Variants in SV2C observed in about 807,000 individuals in gnomAD.
SV2C encodes the protein solute carrier family 22 member B3.
Under a neutral mutation model 79.7 loss-of-function variants are expected in SV2C, and 49 were observed. That is an observed-to-expected ratio of 0.61 (90% CI 0.49 to 0.78). SV2C has a LOEUF of 0.78. Among genes scored for constraint, SV2C ranks in the 30% least tolerant of loss-of-function variants. SV2C has a pLI of 0.00. For missense variants in SV2C, 833 were observed against 912.9 expected (o/e 0.91, Z 1.13); for synonymous variants, 334 against 333.2 (o/e 1.00, Z -0.03).
the SV2C span, among the ~76,000 whole-genome samples, chr5:75,984,119 A>G: frequency 6.6e-6 from 1 of 152,110 alleles, no homozygotes; most frequent in South Asian, 2.1e-4. Context: ...CCACCCATAT[A>G]GAACTAAATA....
At chr5:75,977,614 G>C in the SV2C span, among the ~76,000 whole-genome samples, 2 of 152,158 alleles carry the variant, frequency 1.3e-5, no homozygotes, top group Non-Finnish European at 2.9e-5. Flanking sequence ...TTTCAAAGAA[G>C]AGCCTTCTCC....
chr5:76,106,286 C>T (rs1747909905), intron 1 of SV2C, among the ~76,000 whole-genome samples: 1 of 152,134 alleles, frequency 6.6e-6, no homozygotes, highest in African/African-American at 2.4e-5. Flanking sequence ...CCACTGCTGT[C>T]TACTATCCCG....
the SV2C span, among the ~76,000 whole-genome samples, chr5:75,933,461 A>G: frequency 6.6e-6 from 1 of 152,184 alleles, no homozygotes; most frequent in African/African-American, 2.4e-5. Context: ...GACTGAATGA[A>G]TGAAAGGACT....
intron 4 of SV2C, among the ~76,000 whole-genome samples, chr5:76,284,589 G>A (rs1033567590): frequency 6.6e-6 from 1 of 152,230 alleles, no homozygotes; most frequent in Non-Finnish European, 1.5e-5. Context: ...CCTGACAAGA[G>A]CTGTGGCTGC....
At chr5:76,305,998 G>C (rs189902010) in intron 12 of SV2C, among the ~76,000 whole-genome samples, 1 of 152,258 alleles carries the variant, frequency 6.6e-6, no homozygotes, top group Admixed American at 6.5e-5. Context: ...TCAGCCAAGA[G>C]TCATCTCATT....
the SV2C span, among the ~76,000 whole-genome samples, chr5:76,030,269 T>G: frequency 4.0e-4 from 39 of 97,940 alleles, 1 homozygote; most frequent in African/African-American, 1.9e-3. Context: ...GAGGCTTGTT[T>G]TTTTTTTTTT....
In SV2C at chr5:76,301,412, A is replaced by C; in HGVS notation, c.1867A>C (p.Ser623Arg). Residue 623 changes from serine (S) to arginine (R), a missense_variant, in exon 12 of 13, where the codon AGC (serine) becomes CGC (arginine). Ser to Arg is a moderately radical substitution (Grantham distance 110). Transcript: ENST00000502798. Reference sequence around the variant, plus strand: ...TGGCTCTATGGTGCTTTCGGGGATCAGCTGTTTCTTCCTTTGGTTCGGCAC... The same window carrying C: ...TGGCTCTATGGTGCTTTCGGGGATCCGCTGTTTCTTCCTTTGGTTCGGCAC... ...LGGSMVLSGI[S>R]CFFLWFGTSE... 1 of 1,614,062 alleles carries C rather than the reference A, an allele frequency of 6.2e-7. No homozygotes were observed. Among genetic ancestry groups the C allele is most frequent in the East Asian group, 2.2e-5 (1 of 44,876 alleles).
At chr5:76,260,015 T>C (rs529165363) in intron 4 of SV2C, among the ~76,000 whole-genome samples, 6 of 152,314 alleles carry the variant, frequency 3.9e-5, no homozygotes, top group Admixed American at 3.9e-4. Flanking sequence ...TCTTGGGAAG[T>C]TGCCACACTG....
chr5:75,895,818 A>G, the SV2C span, among the ~76,000 whole-genome samples: 2 of 152,102 alleles, frequency 1.3e-5, 1 homozygote, highest in East Asian at 3.9e-4. Flanking sequence ...CTCCCGGAGC[A>G]TGTGGATTAA....
At chr5:76,197,706 G>GATAGATAGATAGATAGATAGATAGA (rs1561260450) in intron 3 of SV2C, among the ~76,000 whole-genome samples, 17 of 3,128 alleles carry the variant, frequency 5.4e-3, no homozygotes, top group African/African-American at 0.013. Context: ...AGATAGACAG[G>GATAGATAGATAGATAGATAGATAGA]CAGATAGATA....
intron 4 of SV2C, among the ~76,000 whole-genome samples, chr5:76,219,223 C>T (rs61680817): frequency 0.12 from 17,622 of 152,126 alleles, 1,393 homozygotes; most frequent in African/African-American, 0.22. Context: ...CAGAGTAAGA[C>T]GTGACAGAGG....
rs60557642 is a variant in SV2C, at chr5:76,241,182, C to CTT, written c.913+31311_913+31312dup. Among the ~76,000 whole-genome samples the CTT allele has an allele frequency of 7.6e-3, 1,043 of 137,034 alleles. 19 individuals carry two copies. Among genetic ancestry groups the CTT allele is most frequent in the African/African-American group, 0.026 (976 of 37,074 alleles). 89.9% of individuals were successfully genotyped at this position (137,034 alleles called of 152,430 possible). A position where few individuals can be genotyped will look rare whatever the true frequency, so the allele number is the denominator to read the frequency against. ...ATGTTGTCCAGGATGGTCTCAATCT[C>CTT]TTTTTTTTTTTTTTTTTCCCAAGCC... On this transcript the variant is annotated intron_variant, in intron 4 of 12. Coordinates refer to ENST00000502798, the MANE Select transcript of SV2C (RefSeq NM_014979.4).
At chr5:75,953,105 A>G in the SV2C span, among the ~76,000 whole-genome samples, 33 of 151,976 alleles carry the variant, frequency 2.2e-4, no homozygotes, top group Admixed American at 6.6e-4. Context: ...GGCTGCTTCT[A>G]CTCATGGCAG....
intron 4 of SV2C, among the ~76,000 whole-genome samples, chr5:76,215,355 C>T (rs1191226126): frequency 6.6e-6 from 1 of 152,130 alleles, no homozygotes; most frequent in Non-Finnish European, 1.5e-5. Context: ...AACAGTGAGC[C>T]TGATCTGTTC....
the SV2C span, among the ~76,000 whole-genome samples, chr5:75,892,510 G>A: frequency 6.6e-6 from 1 of 151,672 alleles, no homozygotes; most frequent in African/African-American, 2.4e-5. Context: ...GCTGAGGTTT[G>A]GGGTACGATT....
the SV2C span, among the ~76,000 whole-genome samples, chr5:75,998,094 A>G: frequency 1.3e-5 from 2 of 152,154 alleles, no homozygotes; most frequent in Non-Finnish European, 2.9e-5. Context: ...CACAAGGACA[A>G]AAAACCAAAC....
At chr5:76,315,741 T>C (rs1303169293) in intron 12 of SV2C, among the ~76,000 whole-genome samples, 1 of 152,168 alleles carries the variant, frequency 6.6e-6, no homozygotes, top group Non-Finnish European at 1.5e-5. Context: ...AGCTCTGTGC[T>C]GTGAGAAGCA....
intron 1 of SV2C, among the ~76,000 whole-genome samples, chr5:76,100,686 A>T (rs887340044): frequency 3.3e-5 from 5 of 152,182 alleles, no homozygotes; most frequent in African/African-American, 1.2e-4. Context: ...GTTGTCTATC[A>T]GCCCTGTGCA....
At chr5:75,964,720 C>A in the SV2C span, among the ~76,000 whole-genome samples, 3 of 152,190 alleles carry the variant, frequency 2.0e-5, no homozygotes, top group Non-Finnish European at 4.4e-5. Flanking sequence ...AAAAATTTGT[C>A]AAAATCTCTA....
Sources: allele counts gnomAD v4.1 joint callset (sites outside exome capture counted in the v4.1 genomes callset), GRCh38; gene constraint gnomAD v4.1.1; transcripts MANE v1.5; gene names NCBI Gene and HGNC (gene_info 2026-07-23, HGNC 2026-07-21).